Variants in TENM2 observed in about 807,000 individuals in gnomAD.
TENM2 encodes the protein teneurin transmembrane protein 2.
In TENM2, 52 loss-of-function variants were observed where a neutral mutation model predicts 245.2. The ratio of observed to expected loss-of-function variants is 0.21; its 90% CI spans 0.17 to 0.27. TENM2 has a LOEUF of 0.27. Ranked by LOEUF, TENM2 falls within the 10% of genes least tolerant of loss-of-function variation. The pLI is 1.00. For missense variants in TENM2, 3,046 were observed against 3,666.8 expected (o/e 0.83, Z 4.37); for synonymous variants, 1,363 against 1,438.9 (o/e 0.95, Z 1.19).
At chr5:167,436,873 G>A (rs1764588342) in intron 2 of TENM2, among the ~76,000 whole-genome samples, 1 of 152,214 alleles carries the variant, frequency 6.6e-6, no homozygotes, top group Non-Finnish European at 1.5e-5. Flanking sequence ...AAGAATTGAG[G>A]TTTGGGAACC....
At chr5:168,116,547 A>AC (rs1795096268) in intron 9 of TENM2, among the ~76,000 whole-genome samples, 1 of 151,940 alleles carries the variant, frequency 6.6e-6, no homozygotes, top group Admixed American at 6.6e-5. Context: ...CTTGCCCGCA[A>AC]CCCCCCACCA....
chr5:168,073,643 A>G (rs139394659), intron 7 of TENM2, among the ~76,000 whole-genome samples: 72 of 152,326 alleles, frequency 4.7e-4, no homozygotes, highest in African/African-American at 8.2e-4. Context: ...CCAGCTAGGA[A>G]CACATGTTAC....
At chr5:167,364,796 C>G (rs1753634996) in intron 1 of TENM2, among the ~76,000 whole-genome samples, 1 of 151,186 alleles carries the variant, frequency 6.6e-6, no homozygotes, top group South Asian at 2.1e-4. Context: ...CATAGTTTTA[C>G]AGCGAGAAAG....
the TENM2 span, among the ~76,000 whole-genome samples, chr5:167,015,768 T>C: frequency 1.3e-5 from 2 of 152,194 alleles, no homozygotes; most frequent in Non-Finnish European, 2.9e-5. Context: ...GATCAAGATA[T>C]ATTTTTTTTT....
intron 2 of TENM2, among the ~76,000 whole-genome samples, chr5:167,753,155 T>C (rs185532699): frequency 6.1e-4 from 93 of 152,244 alleles, no homozygotes; most frequent in African/African-American, 2.0e-3. Context: ...AATTTAAGGA[T>C]GTTGACAAAT....
exon 4 of TENM2, chr5:167,952,641 C>G (rs772089905): frequency 2.5e-6 from 4 of 1,613,254 alleles, no homozygotes; most frequent in South Asian, 2.2e-5. Context: ...CCCACCCCCT[C>G]ACAACCACAC....
the TENM2 span, among the ~76,000 whole-genome samples, chr5:167,197,886 T>C: frequency 3.4e-4 from 52 of 151,906 alleles, no homozygotes; most frequent in African/African-American, 1.3e-3. Context: ...AGAGAGTATA[T>C]ATGTGTGTGT....
At chr5:167,565,640 T>C (rs879432531) in intron 2 of TENM2, among the ~76,000 whole-genome samples, 3 of 152,216 alleles carry the variant, frequency 2.0e-5, no homozygotes, top group Admixed American at 2.0e-4. Flanking sequence ...GTTTTTTGTT[T>C]ATCTTATTAT....
intron 3 of TENM2, among the ~76,000 whole-genome samples, chr5:167,948,385 A>G (rs1779808364): frequency 6.6e-6 from 1 of 152,272 alleles, no homozygotes; most frequent in Non-Finnish European, 1.5e-5. Context: ...GCAGAAGCAC[A>G]GACCATTCTT....
chr5:167,703,035 TTC>T (rs1758271814), intron 2 of TENM2, among the ~76,000 whole-genome samples: 1 of 152,182 alleles, frequency 6.6e-6, no homozygotes, highest in Non-Finnish European at 1.5e-5. Context: ...CTTGCTCTAT[TTC>T]TGTCTTGTTC....
chr5:167,389,951 G>T (rs959359640), intron 2 of TENM2, among the ~76,000 whole-genome samples: 1 of 152,156 alleles, frequency 6.6e-6, no homozygotes, highest in Admixed American at 6.5e-5. Context: ...CATATGGAAA[G>T]ATAGTGGGAC....
intron 22 of TENM2, 82 bp downstream of exon 24, chr5:168,217,004 G>T: frequency 2.0e-6 from 3 of 1,486,434 alleles, no homozygotes; most frequent in Non-Finnish European, 1.8e-6. Context: ...GTTTGGTTTG[G>T]AAGTGGAATG....
At chr5:167,889,482 C>T (rs957790894) in intron 3 of TENM2, among the ~76,000 whole-genome samples, 1 of 152,142 alleles carries the variant, frequency 6.6e-6, no homozygotes, top group Admixed American at 6.5e-5. Flanking sequence ...GTTCCCAGTT[C>T]CCAAGGTTAT....
At chr5:167,139,774 T>C in the TENM2 span, among the ~76,000 whole-genome samples, 1 of 152,062 alleles carries the variant, frequency 6.6e-6, no homozygotes, top group Non-Finnish European at 1.5e-5. Context: ...TGCCAGAAGA[T>C]ACAAATATGA....
chr5:167,209,258 A>T, the TENM2 span, among the ~76,000 whole-genome samples: 1 of 151,404 alleles, frequency 6.6e-6, no homozygotes. Context: ...AAAGTTAGCT[A>T]TTTTTAGTAA....
At chr5:167,020,029 T>C in the TENM2 span, among the ~76,000 whole-genome samples, 1 of 152,176 alleles carries the variant, frequency 6.6e-6, no homozygotes, top group South Asian at 2.1e-4. Context: ...GATTATCTCA[T>C]TTCTAAACTT....
At chr5:167,667,305 C>T (rs577365711) in intron 2 of TENM2, among the ~76,000 whole-genome samples, 2 of 152,224 alleles carry the variant, frequency 1.3e-5, no homozygotes, top group African/African-American at 4.8e-5. Flanking sequence ...TTTCATTAGG[C>T]TTCATCTTCA....
the TENM2 span, among the ~76,000 whole-genome samples, chr5:167,022,000 T>A: frequency 6.6e-6 from 1 of 152,210 alleles, no homozygotes; most frequent in Non-Finnish European, 1.5e-5. Flanking sequence ...ATTGTTGTTG[T>A]TTTGCCCTTG....
chr5:167,666,611 G>T (rs1047310492), intron 2 of TENM2, among the ~76,000 whole-genome samples: 1 of 152,122 alleles, frequency 6.6e-6, no homozygotes, highest in African/African-American at 2.4e-5. Context: ...AGTACTTAGA[G>T]GGCCTGGCAT....
Sources: gnomAD v4.1 joint callset for allele counts (sites outside exome capture counted in the v4.1 genomes callset) on GRCh38, gnomAD v4.1.1 for gene constraint, MANE v1.5 for transcripts, NCBI Gene and HGNC (gene_info 2026-07-23, HGNC 2026-07-21) for gene names.